POPDC1: variants seen among roughly 807,000 people sequenced by gnomAD.
POPDC1 encodes popeye domain-containing protein 1.
the POPDC1 span, chr6:105,124,459 T>A: frequency 4.6e-6 from 4 of 869,726 alleles, no homozygotes; most frequent in Non-Finnish European, 7.5e-6. Flanking sequence ...CCCCAATAAT[T>A]CATAGCAGTG....
chr6:105,112,271 G>A, the POPDC1 span, among the ~76,000 whole-genome samples: 3 of 152,180 alleles, frequency 2.0e-5, no homozygotes, highest in Non-Finnish European at 2.9e-5. Flanking sequence ...GACAGAGAGA[G>A]ATGGAAAGGG....
At chr6:105,105,044 T>C in the POPDC1 span, among the ~76,000 whole-genome samples, 1 of 152,194 alleles carries the variant, frequency 6.6e-6, no homozygotes, top group African/African-American at 2.4e-5. Context: ...GCTTATTTCT[T>C]ACCAGGGTGT....
At chr6:105,117,647 T>TA in the POPDC1 span, among the ~76,000 whole-genome samples, 2 of 152,206 alleles carry the variant, frequency 1.3e-5, no homozygotes, top group Admixed American at 6.5e-5. Context: ...CTTCCCATGT[T>TA]AACACTTCCA....
At chr6:105,104,729 C>T in the POPDC1 span, among the ~76,000 whole-genome samples, 1 of 152,126 alleles carries the variant, frequency 6.6e-6, no homozygotes, top group Non-Finnish European at 1.5e-5. Context: ...ACAAGAACAC[C>T]GTTCTCTCAA....
chr6:105,114,175 G>GTCCAAT, the POPDC1 span, among the ~76,000 whole-genome samples: 8 of 152,038 alleles, frequency 5.3e-5, no homozygotes, highest in African/African-American at 1.9e-4. Flanking sequence ...ACTATTCTTT[G>GTCCAAT]TCCAATTCAC....
chr6:105,126,134 G>T, the POPDC1 span, among the ~76,000 whole-genome samples: 1 of 151,978 alleles, frequency 6.6e-6, no homozygotes, highest in Non-Finnish European at 1.5e-5. Context: ...GCTGAGGCTG[G>T]TGAATTGCTT....
chr6:105,100,562 A>C, the POPDC1 span: 1 of 138,870 alleles, frequency 7.2e-6, no homozygotes, highest in African/African-American at 2.9e-5. Flanking sequence ...GTATATATAT[A>C]TATATATGTA....
At chr6:105,134,959 T>C in the POPDC1 span, among the ~76,000 whole-genome samples, 1 of 152,170 alleles carries the variant, frequency 6.6e-6, no homozygotes, top group African/African-American at 2.4e-5. Flanking sequence ...ACTCCATTTA[T>C]ACAAAATTTG....
chr6:105,102,150 C>A, the POPDC1 span, among the ~76,000 whole-genome samples: 140,838 of 152,208 alleles, frequency 0.93, 65,264 homozygotes, highest in Non-Finnish European at 0.96. Flanking sequence ...AGTGGCATTC[C>A]GGCAGCCCAC....
At chr6:105,125,292 T>TCCATTCATTGGCAACATTTCCTC in the POPDC1 span, 1 of 1,353,780 alleles carries the variant, frequency 7.4e-7, no homozygotes, top group Admixed American at 1.8e-5. Flanking sequence ...GACTGCTTTC[T>TCCATTCATTGGCAACATTTCCTC]CCATTCATTG....
At chr6:105,103,275 C>T in the POPDC1 span, among the ~76,000 whole-genome samples, 1 of 152,022 alleles carries the variant, frequency 6.6e-6, no homozygotes, top group African/African-American at 2.4e-5. Flanking sequence ...ATGTAATAAC[C>T]ACTTTGTAAA....
At chr6:105,109,641 G>A in the POPDC1 span, among the ~76,000 whole-genome samples, 1 of 151,556 alleles carries the variant, frequency 6.6e-6, no homozygotes, top group Non-Finnish European at 1.5e-5. Context: ...AGAAGGCTGA[G>A]GCGGGAGGAC....
the POPDC1 span, among the ~76,000 whole-genome samples, chr6:105,109,919 G>A: frequency 9.2e-3 from 1,400 of 151,790 alleles, 18 homozygotes; most frequent in African/African-American, 0.032. Context: ...TCACTGTAAG[G>A]TTTTTTAACC....
chr6:105,099,975 A>G, the POPDC1 span: 4 of 152,240 alleles, frequency 2.6e-5, no homozygotes, highest in African/African-American at 9.6e-5. Context: ...AGTTGAGTTT[A>G]GCTGGAGGTT....
At chr6:105,114,874 A>G in the POPDC1 span, among the ~76,000 whole-genome samples, 2 of 152,216 alleles carry the variant, frequency 1.3e-5, no homozygotes, top group Non-Finnish European at 2.9e-5. Context: ...TCCATTTCTC[A>G]GTCACTTTTT....
the POPDC1 span, among the ~76,000 whole-genome samples, chr6:105,122,096 T>C: frequency 2.0e-5 from 3 of 152,226 alleles, no homozygotes; most frequent in African/African-American, 7.2e-5. Context: ...CCTACACAGA[T>C]GTGTAACAGC....
chr6:105,112,915 A>G, the POPDC1 span, among the ~76,000 whole-genome samples: 1 of 144,884 alleles, frequency 6.9e-6, no homozygotes, highest in Non-Finnish European at 1.5e-5. Context: ...CTGGTCTACA[A>G]GCATGAGCTT....
At chr6:105,108,811 C>G in the POPDC1 span, among the ~76,000 whole-genome samples, 7 of 152,262 alleles carry the variant, frequency 4.6e-5, no homozygotes, top group East Asian at 5.8e-4. Context: ...GTTTATTTGT[C>G]TTAGACTTTG....
At chr6:105,116,303 A>C in the POPDC1 span, among the ~76,000 whole-genome samples, 4 of 152,178 alleles carry the variant, frequency 2.6e-5, no homozygotes, top group Admixed American at 6.5e-5. Context: ...GCCTGACCTG[A>C]AGATATGCAA....
Sources: allele counts gnomAD v4.1 joint callset (sites outside exome capture counted in the v4.1 genomes callset), GRCh38; gene constraint gnomAD v4.1.1; transcripts MANE v1.5; gene names NCBI Gene and HGNC (gene_info 2026-07-23, HGNC 2026-07-21).